The following AHI1 variants were observed in gnomAD, a reference collection of about 807,000 sequenced individuals.
The protein encoded by AHI1 is Abelson helper integration site 1, also known as jouberin.
AHI1 carries 123 observed loss-of-function variants against 149.3 expected under a neutral mutation model. The observed-to-expected ratio is 0.82, with a 90% CI of 0.71 to 0.96. The LOEUF (loss-of-function observed/expected upper bound fraction) is 0.96. AHI1 is among the 40% of genes least tolerant of loss of function. AHI1 has a pLI of 0.00. For synonymous variants in AHI1, 475 were observed against 459.8 expected (o/e 1.03, Z -0.42); for missense variants, 1,439 against 1,422.7 (o/e 1.01, Z -0.18).
At chr6:135,462,826 G>A (rs1220327657) in intron 8 of AHI1, among the ~76,000 whole-genome samples, 3 of 151,976 alleles carry the variant, frequency 2.0e-5, no homozygotes, top group African/African-American at 7.3e-5. Context: ...GCTTTAACCC[G>A]GGAGGTGGAG....
chr6:135,316,717 G>A (rs929841066), intron 26 of AHI1, among the ~76,000 whole-genome samples: 2 of 151,928 alleles, frequency 1.3e-5, no homozygotes, highest in Non-Finnish European at 1.5e-5. Flanking sequence ...TCTGGGCTCT[G>A]CCTTCATTAC....
At chr6:135,373,834 A>G (rs947160895) in intron 23 of AHI1, among the ~76,000 whole-genome samples, 1 of 152,124 alleles carries the variant, frequency 6.6e-6, no homozygotes, top group Admixed American at 6.5e-5. Flanking sequence ...TGCTAAGCAC[A>G]AGGCACTGTT....
intron 23 of AHI1, among the ~76,000 whole-genome samples, 164 bp from the exon 24 acceptor site, chr6:135,358,351 T>G (rs760091304): frequency 2.6e-4 from 39 of 152,230 alleles, no homozygotes; most frequent in Non-Finnish European, 5.3e-4. Context: ...TATCATGAAT[T>G]CTTTGGTCAG....
chr6:135,292,332 A>C (rs1782465095), intron 27 of AHI1, among the ~76,000 whole-genome samples: 1 of 152,188 alleles, frequency 6.6e-6, no homozygotes, highest in Non-Finnish European at 1.5e-5. Flanking sequence ...TAGGAAGATC[A>C]GACTGTAGTG....
chr6:135,402,421 T>C (rs929424977), intron 22 of AHI1, among the ~76,000 whole-genome samples: 1 of 152,214 alleles, frequency 6.6e-6, no homozygotes, highest in Non-Finnish European at 1.5e-5. Context: ...ACAACCCAAA[T>C]GTTCATAAAC....
At chr6:135,380,745 A>T (rs59982766) in intron 23 of AHI1, among the ~76,000 whole-genome samples, 1 of 61,436 alleles carries the variant, frequency 1.6e-5, no homozygotes, top group Non-Finnish European at 2.9e-5. Flanking sequence ...CCCCCCCCCC[A>T]AAAAAAAAGT....
chr6:135,450,647 C>A (rs920835450), intron 11 of AHI1, among the ~76,000 whole-genome samples: 6 of 152,110 alleles, frequency 3.9e-5, no homozygotes, highest in African/African-American at 1.2e-4. Context: ...AAAGATATTC[C>A]CCAGCTTCTA....
intron 24 of AHI1, among the ~76,000 whole-genome samples, chr6:135,352,872 G>A (rs1792373309): frequency 6.7e-6 from 1 of 148,774 alleles, no homozygotes; most frequent in South Asian, 2.1e-4. Flanking sequence ...ACCAGTGCTA[G>A]GTATGGTACT....
chr6:135,368,347 A>G (rs576649327), intron 23 of AHI1, among the ~76,000 whole-genome samples: 83 of 152,142 alleles, frequency 5.5e-4, no homozygotes, highest in Non-Finnish European at 1.0e-3. Flanking sequence ...TGCTTTCAAG[A>G]GAACATAAGC....
intron 23 of AHI1, among the ~76,000 whole-genome samples, chr6:135,383,456 T>C (rs1356060953): frequency 1.0e-5 from 1 of 98,032 alleles, no homozygotes. Context: ...AGGTTGGTCA[T>C]GAACTCCTAG....
chr6:135,476,030 CT>C (rs1203145236), intron 5 of AHI1, among the ~76,000 whole-genome samples: 2 of 152,122 alleles, frequency 1.3e-5, no homozygotes, highest in Non-Finnish European at 1.5e-5. Flanking sequence ...GTTCTTCACA[CT>C]TTTTTAAGGT....
chr6:135,381,880 G>C (rs1776814189), intron 23 of AHI1, among the ~76,000 whole-genome samples: 1 of 152,106 alleles, frequency 6.6e-6, no homozygotes, highest in Non-Finnish European at 1.5e-5. Context: ...TTACATAGTA[G>C]GCTCTCCATA....
intron 22 of AHI1, among the ~76,000 whole-genome samples, chr6:135,398,986 C>A (rs1019226584): frequency 3.9e-5 from 6 of 152,110 alleles, no homozygotes; most frequent in Admixed American, 3.3e-4. Flanking sequence ...GAGTTCAAGA[C>A]CAGCCTGGGC....
At chr6:135,421,950 G>A (rs963531124) in intron 20 of AHI1, among the ~76,000 whole-genome samples, 2 of 151,984 alleles carry the variant, frequency 1.3e-5, no homozygotes, top group Non-Finnish European at 2.9e-5. Flanking sequence ...ACATAATCTT[G>A]TATAAGTATG....
chr6:135,423,117 A>G (rs1783447887), intron 20 of AHI1, among the ~76,000 whole-genome samples: 1 of 152,104 alleles, frequency 6.6e-6, no homozygotes. Context: ...TAATAATGGG[A>G]CCTACAATGA....
chr6:135,471,875 G>A (rs917968550), intron 5 of AHI1, among the ~76,000 whole-genome samples: 21 of 151,464 alleles, frequency 1.4e-4, no homozygotes, highest in African/African-American at 3.4e-4. Context: ...AGCCGGGCGC[G>A]GTGGCGGGCA....
Position 135,455,831 on chromosome 6 carries a change from CTTGATT to C in AHI1, c.1241_1246del (p.Lys414_Ser415del). On this transcript the variant is annotated inframe_deletion, in exon 10 of 29. Coordinates refer to ENST00000265602, the MANE Select transcript of AHI1 (RefSeq NM_001134831.2). ...AATTTGTTCTTCCCACTCTGGAAGT[CTTGATT>C]TTAACTGTTTAAAATCATATGGCTG... is the stretch of plus-strand genomic sequence containing the variant. 6.2e-7 allele frequency: 1 copy of C among 1,600,418 alleles called. No individual in the cohort carries two copies. The highest frequency in any genetic ancestry group is 8.5e-7 in the Non-Finnish European group (1 of 1,172,092).
intron 7 of AHI1, among the ~76,000 whole-genome samples, chr6:135,465,311 T>C (rs1198843510): frequency 1.3e-5 from 2 of 152,226 alleles, no homozygotes; most frequent in Non-Finnish European, 2.9e-5. Flanking sequence ...CATACATATA[T>C]AAGCATCATA....
chr6:135,359,469 T>C (rs116490986), intron 23 of AHI1, among the ~76,000 whole-genome samples: 371 of 152,320 alleles, frequency 2.4e-3, no homozygotes, highest in African/African-American at 8.5e-3. Context: ...CTCTTATTCA[T>C]AGAGTAACAC....
Sources: allele counts gnomAD v4.1 joint callset (sites outside exome capture counted in the v4.1 genomes callset), GRCh38; gene constraint gnomAD v4.1.1; transcripts MANE v1.5; gene names NCBI Gene and HGNC (gene_info 2026-07-23, HGNC 2026-07-21).